MS4A8: variants seen among roughly 807,000 people sequenced by gnomAD.
The protein encoded by MS4A8 is membrane spanning 4-domains A8, also known as membrane-spanning 4-domains subfamily A member 8.
A neutral mutation model predicts 23.7 loss-of-function variants in MS4A8; 27 were observed. The ratio of observed to expected loss-of-function variants is 1.14; its 90% CI spans 0.84 to 1.57. MS4A8 has a LOEUF of 1.57. Ranked by LOEUF, MS4A8 falls within the 40% of genes most tolerant of loss-of-function variation. MS4A8 has a pLI of 0.00. For synonymous variants in MS4A8, 138 were observed against 126.3 expected (o/e 1.09, Z -0.62); for missense variants, 301 against 311.4 (o/e 0.97, Z 0.25).
chr11:60,705,374 C>T (rs114741642), intron 3 of MS4A8, among the ~76,000 whole-genome samples: 2,857 of 152,338 alleles, frequency 0.019, 76 homozygotes, highest in African/African-American at 0.058. Context: ...ATCTCAAATG[C>T]CTCACTGACC....
intron 3 of MS4A8, among the ~76,000 whole-genome samples, chr11:60,705,911 C>G (rs867040589): frequency 2.6e-5 from 4 of 152,328 alleles, no homozygotes; most frequent in Middle Eastern, 3.4e-3. Context: ...CTCTAAGCCT[C>G]AGTCTCCTCA....
chr11:60,715,631 G>T lies in MS4A8; in HGVS notation c.*217G>T, dbSNP rs2088337859. 9.1e-6 allele frequency: 5 copies of T among 547,692 alleles called. No individual in the cohort carries two copies. The East Asian group carries it at 1.3e-4, about 14-fold the overall frequency. The allele number at this position is 547,692 out of a possible 1,614,324, so 33.9% of individuals were successfully genotyped here. On this transcript the variant is annotated 3_prime_UTR_variant, in exon 7 of 7. Coordinates refer to ENST00000300226, the MANE Select transcript of MS4A8 (RefSeq NM_031457.2). The stretch of plus-strand genomic sequence containing the variant: ...TTTTAAACAGATGTTAACCAAGAGG[G>T]ACTCCCTAGGGCACATGCATCAGCA...
chr11:60,703,774 A>G (rs1445800878), intron 3 of MS4A8, among the ~76,000 whole-genome samples: 1 of 152,254 alleles, frequency 6.6e-6, no homozygotes, highest in Non-Finnish European at 1.5e-5. Flanking sequence ...TGGAGATGTT[A>G]GCAGATGTTT....
At position 60,699,704 on chromosome 11, in the gene MS4A8, GA is replaced by G. The variant is rs34321729; in HGVS notation, c.-65del. On this transcript the variant is annotated 5_prime_UTR_variant, in exon 1 of 7. Coordinates refer to ENST00000300226, the MANE Select transcript of MS4A8 (RefSeq NM_031457.2). ...GGCCCCAGTACATTCATTCTCTCAGGAAAAAAAACAAGGTCCCCACAGCAAA... is the reference window on the plus strand; with the variant it reads ...GGCCCCAGTACATTCATTCTCTCAGGAAAAAAACAAGGTCCCCACAGCAAA... 1 of 151,978 alleles carries G rather than the reference GA, an allele frequency of 6.6e-6. No homozygotes were observed. The highest frequency in any genetic ancestry group is 1.5e-5 in the Non-Finnish European group (1 of 68,000). 9.4% of individuals were successfully genotyped at this position (151,978 alleles called of 1,614,324 possible).
chr11:60,710,764 G>A (rs2129790), intron 5 of MS4A8, among the ~76,000 whole-genome samples: 6,978 of 152,116 alleles, frequency 0.046, 503 homozygotes, highest in African/African-American at 0.16. Context: ...TGGCCCTCTG[G>A]TGCCCCCCGC....
chr11:60,709,807 C>T (rs2088285804), intron 5 of MS4A8, among the ~76,000 whole-genome samples: 1 of 152,228 alleles, frequency 6.6e-6, no homozygotes, highest in Non-Finnish European at 1.5e-5. Flanking sequence ...CAGCATTAAG[C>T]ATGCTTTTGT....
At position 60,712,495 on chromosome 11, in the gene MS4A8, A is replaced by G. The variant is rs936702420; in HGVS notation, c.535-2526A>G. 3 of 985,186 alleles carry G rather than the reference A, an allele frequency of 3.0e-6. No homozygotes were observed. In the African/African-American group the frequency reaches 5.2e-5, roughly 17 times the overall value. The allele number at this position is 985,186 out of a possible 1,614,324, so 61.0% of individuals were successfully genotyped here. A position where few individuals can be genotyped will look rare whatever the true frequency, so the allele number is the denominator to read the frequency against. ...GTCACCAATGCTGTTTTTAAAAATCATAATTGAGATAATTGAGGCCGGTCA... is the reference window on the plus strand; with the variant it reads ...GTCACCAATGCTGTTTTTAAAAATCGTAATTGAGATAATTGAGGCCGGTCA... On this transcript the variant is annotated intron_variant, in intron 5 of 6. Transcript: ENST00000300226.
intron 2 of MS4A8, among the ~76,000 whole-genome samples, chr11:60,702,129 G>A (rs751952389): frequency 1.3e-5 from 2 of 152,128 alleles, no homozygotes; most frequent in East Asian, 1.9e-4. Flanking sequence ...TGTACCCATC[G>A]TAAATTAAAA....
rs899168946 is a variant in MS4A8, at chr11:60,699,775, G to A, written c.-2G>A. 2 of 152,328 alleles carry A rather than the reference G, an allele frequency of 1.3e-5. No individual in the cohort carries two copies. The highest frequency in any genetic ancestry group is 1.5e-5 in the Non-Finnish European group (1 of 68,084). 9.4% of individuals were successfully genotyped at this position (152,328 alleles called of 1,614,324 possible). Reference sequence around the variant, plus strand: ...AGATACGTGGCTGCTGGCAGAGCAAGGTGAGTCTGCTTAATCTGGTGGTTG... The same window carrying A: ...AGATACGTGGCTGCTGGCAGAGCAAAGTGAGTCTGCTTAATCTGGTGGTTG... On this transcript the variant is annotated splice_region_variant and 5_prime_UTR_variant, in exon 1 of 7. Transcript: ENST00000300226.
At chr11:60,710,029 A>G (rs112101479) in intron 5 of MS4A8, among the ~76,000 whole-genome samples, 307 of 151,252 alleles carry the variant, frequency 2.0e-3, no homozygotes, top group African/African-American at 7.0e-3. Flanking sequence ...CCAAATCCCC[A>G]ATGGGGTGAT....
chr11:60,708,178 A>G (rs1049654967), intron 4 of MS4A8, among the ~76,000 whole-genome samples: 1 of 152,124 alleles, frequency 6.6e-6, no homozygotes, highest in African/African-American at 2.4e-5. Context: ...CACTTCTCCC[A>G]TGATATGCTC....
chr11:60,705,140 T>C (rs893893882), intron 3 of MS4A8, among the ~76,000 whole-genome samples: 1 of 152,182 alleles, frequency 6.6e-6, no homozygotes, highest in Admixed American at 6.5e-5. Flanking sequence ...TGAACAGGGC[T>C]CCTCTAGCGA....
intron 1 of MS4A8, among the ~76,000 whole-genome samples, chr11:60,700,613 G>A (rs950119362): frequency 6.6e-6 from 1 of 152,150 alleles, no homozygotes; most frequent in African/African-American, 2.4e-5. Context: ...CTTGCCCTCT[G>A]GTAGCCTTTA....
At position 60,712,348 on chromosome 11, in the gene MS4A8, C is replaced by T. The variant is rs990964648; in HGVS notation, c.535-2673C>T. On this transcript the variant is annotated intron_variant, in intron 5 of 6. Coordinates refer to ENST00000300226, the MANE Select transcript of MS4A8 (RefSeq NM_031457.2). ...CTACTAGATTGTGCCTCTCAGGATG[C>T]ATTTCTTAGCCGCTTCTACCAAGCA... 4.1e-6 allele frequency: 4 copies of T among 985,312 alleles called. No individual in the cohort carries two copies. In the African/African-American group the frequency reaches 7.0e-5, roughly 17 times the overall value. 61.0% of individuals were successfully genotyped at this position (985,312 alleles called of 1,614,324 possible).
At chr11:60,708,441 G>T (rs1299464967) in intron 4 of MS4A8, among the ~76,000 whole-genome samples, 1 of 152,226 alleles carries the variant, frequency 6.6e-6, no homozygotes, top group Non-Finnish European at 1.5e-5. Flanking sequence ...TATAGAGATG[G>T]ATGGTGGCAA....
rs182298465 is a variant in MS4A8, at chr11:60,699,672, C to T, written c.-105C>T. On this transcript the variant is annotated 5_prime_UTR_variant, in exon 1 of 7. Transcript: ENST00000300226. ...ACTTCGGATCCTTCTAACCCTACCA[C>T]CCAACTGGCCCCAGTACATTCATTC... The T allele has an allele frequency of 4.1e-4, 62 of 152,356 alleles. No homozygotes were observed. Among genetic ancestry groups the T allele is most frequent in the African/African-American group, 1.5e-3 (62 of 41,554 alleles). 9.4% of individuals were successfully genotyped at this position (152,356 alleles called of 1,614,324 possible). A position where few individuals can be genotyped will look rare whatever the true frequency, so the allele number is the denominator to read the frequency against.
chr11:60,713,250 A>G (rs1413596113), intron 5 of MS4A8, among the ~76,000 whole-genome samples: 1 of 152,228 alleles, frequency 6.6e-6, no homozygotes, highest in Non-Finnish European at 1.5e-5. Flanking sequence ...AGAGACTTGG[A>G]AAAGAAAGAG....
intron 3 of MS4A8, among the ~76,000 whole-genome samples, chr11:60,705,486 G>A (rs1039811655): frequency 6.6e-6 from 1 of 152,188 alleles, no homozygotes; most frequent in Non-Finnish European, 1.5e-5. Flanking sequence ...TTGATCCCAG[G>A]ACTGTCTTTC....
intron 2 of MS4A8, among the ~76,000 whole-genome samples, chr11:60,701,958 AAGAT>A (rs1415584312): frequency 6.6e-6 from 1 of 152,194 alleles, no homozygotes; most frequent in Non-Finnish European, 1.5e-5. Context: ...GACACACCCC[AAGAT>A]ATGGAGTTAA....
Sources: gnomAD v4.1 joint callset for allele counts (sites outside exome capture counted in the v4.1 genomes callset) on GRCh38, gnomAD v4.1.1 for gene constraint, MANE v1.5 for transcripts, NCBI Gene and HGNC (gene_info 2026-07-23, HGNC 2026-07-21) for gene names.